The following USP30 variants were observed in gnomAD, a reference collection of about 807,000 sequenced individuals.
USP30 encodes the protein ubiquitin specific peptidase 30.
USP30 carries 41 observed loss-of-function variants against 68.2 expected under a neutral mutation model. The observed-to-expected ratio is 0.60, with a 90% CI of 0.47 to 0.78. USP30 has a LOEUF of 0.78. USP30 is among the 30% of genes least tolerant of loss of function. The pLI is 0.00. For synonymous variants in USP30, 229 were observed against 253.7 expected (o/e 0.90, Z 0.93); for missense variants, 522 against 649.4 (o/e 0.80, Z 2.13).
At chr12:109,083,094 A>C in intron 11 of USP30, 32 bp downstream of exon 11, 1 of 1,557,740 alleles carries the variant, frequency 6.4e-7, no homozygotes, top group Non-Finnish European at 8.7e-7. Context: ...ATGCAGCAGG[A>C]ATTTTCAGCA....
intron 2 of USP30, among the ~76,000 whole-genome samples, chr12:109,027,018 G>A (rs188926175): frequency 6.5e-4 from 99 of 152,196 alleles, no homozygotes; most frequent in Admixed American, 1.8e-3. Flanking sequence ...CTTCCCAAAG[G>A]CCCCATTTCC....
intron 2 of USP30, among the ~76,000 whole-genome samples, chr12:109,026,615 G>C (rs1009841893): frequency 1.3e-5 from 2 of 150,742 alleles, no homozygotes; most frequent in African/African-American, 2.4e-5. Flanking sequence ...CCGTAGGTGC[G>C]CACCACCATG....
upstream of USP30, chr12:109,052,558 C>A (rs1036205368): frequency 9.8e-7 from 1 of 1,021,858 alleles, no homozygotes; most frequent in Non-Finnish European, 1.3e-6. Flanking sequence ...GTCTACGTTC[C>A]CCCGAGGTGC....
At chr12:109,033,656 G>C (rs548948502) in intron 3 of USP30, among the ~76,000 whole-genome samples, 27 of 152,266 alleles carry the variant, frequency 1.8e-4, no homozygotes, top group African/African-American at 6.5e-4. Context: ...AAACATTGAT[G>C]GAAAGTCCCT....
At chr12:109,066,881 G>T (rs1471912160) in intron 3 of USP30, among the ~76,000 whole-genome samples, 1 of 152,106 alleles carries the variant, frequency 6.6e-6, no homozygotes, top group Non-Finnish European at 1.5e-5. Context: ...CAACCTGAAA[G>T]TTGTGAGTTA....
chr12:109,042,896 A>G (rs1183923403), intron 3 of USP30, among the ~76,000 whole-genome samples: 1 of 152,226 alleles, frequency 6.6e-6, no homozygotes, highest in Non-Finnish European at 1.5e-5. Context: ...AAATTAATTC[A>G]GCAAAGTAGC....
At chr12:109,052,844 A>G in intron 1 of USP30, 83 bp downstream of exon 1, 1 of 1,320,772 alleles carries the variant, frequency 7.6e-7, no homozygotes, top group Non-Finnish European at 9.8e-7. Context: ...TTCATGCCCT[A>G]GTTGGGGTCT....
chr12:109,041,713 C>T (rs2040566662), intron 3 of USP30, among the ~76,000 whole-genome samples: 1 of 151,928 alleles, frequency 6.6e-6, no homozygotes. Context: ...TAGATGATGC[C>T]TATTCCATGG....
rs148442535 is a variant in USP30, at chr12:109,038,554, A to C, written c.-135-9036A>C. ...ATTTCTTCAGCAATGAATGCTATTT[A>C]TTAAAATACTTACCTGCAATGTTTC... is the stretch of plus-strand genomic sequence containing the variant. On this transcript the variant is annotated intron_variant, in intron 3 of 15. Coordinates refer to the USP30 transcript ENST00000392784. 3.0e-3 allele frequency among the ~76,000 whole-genome samples: 451 copies of C among 152,128 alleles called. 4 individuals are homozygous for C. Among genetic ancestry groups the C allele is most frequent in the Non-Finnish European group, 5.1e-3 (347 of 67,990 alleles).
At chr12:109,068,489 T>TA (rs2041330212) in intron 4 of USP30, among the ~76,000 whole-genome samples, 2 of 150,342 alleles carry the variant, frequency 1.3e-5, no homozygotes, top group Admixed American at 6.6e-5. Context: ...CAGGTCACTT[T>TA]TTAGACATGG....
At chr12:109,054,533 A>AT (rs1474765729) in intron 1 of USP30, 1 of 151,690 alleles carries the variant, frequency 6.6e-6, no homozygotes, top group East Asian at 1.9e-4. Context: ...CTGTCTCAAA[A>AT]AAAAATAAAA....
chr12:109,072,182 T>C (rs2041463431), intron 5 of USP30, 123 bp from the exon 6 acceptor site: 6 of 818,838 alleles, frequency 7.3e-6, no homozygotes, highest in Non-Finnish European at 1.2e-5. Flanking sequence ...CTGAGCTTTG[T>C]TAAAAGTTGA....
At chr12:109,076,596 C>T (rs1318768922) in intron 7 of USP30, among the ~76,000 whole-genome samples, 1 of 151,980 alleles carries the variant, frequency 6.6e-6, no homozygotes, top group Non-Finnish European at 1.5e-5. Flanking sequence ...TGACAAACTT[C>T]CCTTCTGTTC....
intron 3 of USP30, among the ~76,000 whole-genome samples, chr12:109,041,639 AAAAAAAG>A (rs755094945): frequency 6.6e-6 from 1 of 151,900 alleles, no homozygotes; most frequent in Non-Finnish European, 1.5e-5. Context: ...CATTTCAAAA[AAAAAAAG>A]AAAAAAGAAA....
chr12:109,075,841 C>CTTTTTTTTTTT (rs34221615), intron 7 of USP30, among the ~76,000 whole-genome samples: 1 of 119,690 alleles, frequency 8.4e-6, no homozygotes, highest in Non-Finnish European at 1.8e-5. Flanking sequence ...GTTACTTTTT[C>CTTTTTTTTTTT]TTTTTTTTTT....
intron 1 of USP30, among the ~76,000 whole-genome samples, chr12:109,054,289 G>A (rs2040769883): frequency 6.6e-6 from 1 of 152,208 alleles, no homozygotes; most frequent in Non-Finnish European, 1.5e-5. Flanking sequence ...GGAAGGCTGA[G>A]GCAGGTGGAT....
chr12:109,082,085 C>G (rs969213004), intron 9 of USP30, 66 bp downstream of exon 9: 31 of 1,513,356 alleles, frequency 2.0e-5, no homozygotes, highest in Middle Eastern at 3.8e-4. Context: ...GCCTCTCACA[C>G]CAGTGACCCT....
At chr12:109,079,120 T>G (rs1405924197) in intron 7 of USP30, among the ~76,000 whole-genome samples, 1 of 151,992 alleles carries the variant, frequency 6.6e-6, no homozygotes, top group Non-Finnish European at 1.5e-5. Flanking sequence ...AATTTGTACT[T>G]TTTTTAACCA....
chr12:109,081,623 G>GCGCACACA (rs886662557), intron 8 of USP30: 74 of 500,620 alleles, frequency 1.5e-4, no homozygotes, highest in Middle Eastern at 5.3e-4. Context: ...ACGCATGCGC[G>GCGCACACA]CACACACACA....
Sources: gnomAD v4.1 joint callset for allele counts (sites outside exome capture counted in the v4.1 genomes callset) on GRCh38, gnomAD v4.1.1 for gene constraint, MANE v1.5 for transcripts, NCBI Gene and HGNC (gene_info 2026-07-23, HGNC 2026-07-21) for gene names.